KAZN: variants seen among roughly 807,000 people sequenced by gnomAD.
KAZN encodes kazrin.
Under a neutral mutation model 87.4 loss-of-function variants are expected in KAZN, and 40 were observed. That is an observed-to-expected ratio of 0.46 (90% CI 0.36 to 0.60). The LOEUF is 0.60. KAZN is among the 20% of genes least tolerant of loss of function. The pLI, the probability that KAZN is intolerant of heterozygous loss-of-function variation, is 0.00. For synonymous variants in KAZN, 466 were observed against 458.3 expected, an observed-to-expected ratio of 1.02 and a Z score of -0.22; for missense variants, 898 against 1,073.9, an observed-to-expected ratio of 0.84 and a Z score of 2.29.
At chr1:13,982,355 A>ATGTTCGGATG (rs1638767794) in intron 1 of KAZN, among the ~76,000 whole-genome samples, 2 of 151,988 alleles carry the variant, frequency 1.3e-5, no homozygotes, top group African/African-American at 4.8e-5. Context: ...GTTCCTTCTG[A>ATGTTCGGATG]TGTTCGGATG....
chr1:14,799,036 C>G (rs1223329480), intron 1 of KAZN, among the ~76,000 whole-genome samples: 1 of 152,194 alleles, frequency 6.6e-6, no homozygotes, highest in African/African-American at 2.4e-5. Flanking sequence ...CTCAGCCTCC[C>G]AAAGTGCTGG....
At chr1:14,221,732 G>A (rs1647102939) in intron 2 of KAZN, among the ~76,000 whole-genome samples, 1 of 152,114 alleles carries the variant, frequency 6.6e-6, no homozygotes, top group Admixed American at 6.6e-5. Context: ...CAGGAAAAGG[G>A]GATGAGGTGG....
chr1:14,276,142 C>T (rs1470748200), intron 2 of KAZN, among the ~76,000 whole-genome samples: 1 of 149,172 alleles, frequency 6.7e-6, no homozygotes, highest in Non-Finnish European at 1.5e-5. Context: ...ATTCATGGAG[C>T]ATAGTGTTCG....
intron 1 of KAZN, among the ~76,000 whole-genome samples, chr1:14,177,228 CTA>C (rs1646097205): frequency 6.6e-6 from 1 of 152,172 alleles, no homozygotes; most frequent in Non-Finnish European, 1.5e-5. Flanking sequence ...ATATTTTACT[CTA>C]TGTAAGTTAT....
chr1:14,292,084 T>C (rs1429742683), intron 2 of KAZN, among the ~76,000 whole-genome samples: 2 of 152,208 alleles, frequency 1.3e-5, no homozygotes, highest in Non-Finnish European at 2.9e-5. Flanking sequence ...AGTCACACTT[T>C]CCGAGAACCT....
intron 1 of KAZN, among the ~76,000 whole-genome samples, chr1:14,169,491 C>G (rs1225478399): frequency 6.6e-6 from 1 of 152,186 alleles, no homozygotes; most frequent in Non-Finnish European, 1.5e-5. Context: ...GGTGCCCAAT[C>G]AACTGGAGTG....
At chr1:14,033,365 G>A (rs1298338588) in intron 1 of KAZN, among the ~76,000 whole-genome samples, 3 of 152,176 alleles carry the variant, frequency 2.0e-5, no homozygotes, top group East Asian at 1.9e-4. Flanking sequence ...AGAGTCAAAC[G>A]AGGAGGCTCT....
chr1:14,359,123 A>G (rs1332861529), intron 2 of KAZN, among the ~76,000 whole-genome samples: 1 of 152,200 alleles, frequency 6.6e-6, no homozygotes. Flanking sequence ...GGGTGCATAT[A>G]TATTTAGGAT....
chr1:14,847,979 C>CAAAAA (rs1179626519), intron 1 of KAZN, among the ~76,000 whole-genome samples: 1 of 151,662 alleles, frequency 6.6e-6, no homozygotes, highest in African/African-American at 2.4e-5. Context: ...GATTCTGTCT[C>CAAAAA]AAAAACAAAA....
chr1:14,096,960 A>G (rs1045117776), intron 1 of KAZN, among the ~76,000 whole-genome samples: 15 of 152,248 alleles, frequency 9.9e-5, no homozygotes, highest in Admixed American at 1.3e-4. Context: ...TCTCACGGAG[A>G]TTCAGATTCA....
chr1:14,611,313 A>G (rs142279232), intron 1 of KAZN, among the ~76,000 whole-genome samples: 1 of 152,360 alleles, frequency 6.6e-6, no homozygotes, highest in East Asian at 1.9e-4. Context: ...TAGAAATAAT[A>G]GACCTTGGAA....
At chr1:14,434,833 G>C (rs947324468) in intron 2 of KAZN, among the ~76,000 whole-genome samples, 1 of 152,012 alleles carries the variant, frequency 6.6e-6, no homozygotes, top group Non-Finnish European at 1.5e-5. Context: ...ACTCGCTCTC[G>C]GTGGCCTCCA....
At chr1:14,380,699 A>T (rs1661292285) in intron 2 of KAZN, among the ~76,000 whole-genome samples, 1 of 152,230 alleles carries the variant, frequency 6.6e-6, no homozygotes, top group Admixed American at 6.5e-5. Context: ...AGAATAAAAA[A>T]GAATGAAGCA....
intron 1 of KAZN, among the ~76,000 whole-genome samples, chr1:14,928,955 A>G (rs1659485492): frequency 6.6e-6 from 1 of 152,242 alleles, no homozygotes; most frequent in Non-Finnish European, 1.5e-5. Context: ...CATAGTGGGT[A>G]CAGGGCACCA....
intron 2 of KAZN, chr1:14,221,998 A>G (rs1479215431): frequency 1.3e-5 from 2 of 152,104 alleles, no homozygotes; most frequent in Admixed American, 1.3e-4. Flanking sequence ...TTCTTTTGAA[A>G]TTTGCTTCCT....
chr1:14,370,101 C>T (rs1376849671), intron 2 of KAZN, among the ~76,000 whole-genome samples: 1 of 152,154 alleles, frequency 6.6e-6, no homozygotes, highest in Non-Finnish European at 1.5e-5. Flanking sequence ...ACAACCAACC[C>T]AAATGCTGGA....
In KAZN at chr1:13,926,030, G is replaced by A. The variant is rs191423553; in HGVS notation, c.91+32274G>A. Among the ~76,000 whole-genome samples the A allele has an allele frequency of 7.0e-3, 1,064 of 152,290 alleles. 6 individuals are homozygous for A. The highest frequency in any genetic ancestry group is 0.011 in the Non-Finnish European group (757 of 68,020). On this transcript the variant is annotated intron_variant, in intron 1 of 16. Coordinates refer to the KAZN transcript ENST00000636203. ...GCACATATGGGGTGGTTGGGGGACA[G>A]AGCGTGATTTGGTTTTGATAATGGT...
At chr1:14,366,133 A>G (rs1045217560) in intron 2 of KAZN, among the ~76,000 whole-genome samples, 1 of 152,238 alleles carries the variant, frequency 6.6e-6, no homozygotes, top group Non-Finnish European at 1.5e-5. Context: ...GTTCCCATTT[A>G]AAAACTAAAG....
At chr1:14,818,762 C>T (rs1280034777) in intron 1 of KAZN, among the ~76,000 whole-genome samples, 4 of 152,088 alleles carry the variant, frequency 2.6e-5, no homozygotes, top group Admixed American at 2.6e-4. Context: ...TGTTGAGAGT[C>T]GAACTGAAGA....
Sources: gnomAD v4.1 joint callset for allele counts (sites outside exome capture counted in the v4.1 genomes callset) on GRCh38, gnomAD v4.1.1 for gene constraint, MANE v1.5 for transcripts, NCBI Gene and HGNC (gene_info 2026-07-23, HGNC 2026-07-21) for gene names.